The following NKAIN3 variants were observed in gnomAD, a reference collection of about 807,000 sequenced individuals.
NKAIN3 encodes the protein sodium/potassium-transporting ATPase subunit beta-1-interacting protein 3.
A neutral mutation model predicts 30.2 loss-of-function variants in NKAIN3; 25 were observed. The ratio of observed to expected loss-of-function variants is 0.83; its 90% confidence interval spans 0.60 to 1.16. The LOEUF (loss-of-function observed/expected upper bound fraction) is 1.16. Ranked by LOEUF, NKAIN3 falls within the 50% of genes most tolerant of loss-of-function variation. The pLI is 0.00. For synonymous variants in NKAIN3, 91 were observed against 89.6 expected (o/e 1.02, Z -0.09); for missense variants, 225 against 254.1 (o/e 0.89, Z 0.78).
At chr8:62,324,592 A>G (rs908088901) in intron 1 of NKAIN3, among the ~76,000 whole-genome samples, 3 of 152,142 alleles carry the variant, frequency 2.0e-5, no homozygotes, top group African/African-American at 2.4e-5. Context: ...GGAAATATTC[A>G]TTACAAGAGA....
intron 4 of NKAIN3, among the ~76,000 whole-genome samples, chr8:62,881,248 AG>A (rs1458158333): frequency 1.3e-5 from 2 of 152,224 alleles, no homozygotes; most frequent in African/African-American, 2.4e-5. Flanking sequence ...CATACAGAAT[AG>A]TTTCATTGCC....
chr8:62,452,863 A>T (rs1022032323), intron 1 of NKAIN3, among the ~76,000 whole-genome samples: 2 of 152,162 alleles, frequency 1.3e-5, no homozygotes, highest in Non-Finnish European at 2.9e-5. Flanking sequence ...TAAAAAATCT[A>T]TATTTCTGAA....
intron 3 of NKAIN3, among the ~76,000 whole-genome samples, chr8:62,635,321 A>G (rs1812093521): frequency 6.6e-6 from 1 of 152,196 alleles, no homozygotes; most frequent in Non-Finnish European, 1.5e-5. Context: ...TATGAAACAT[A>G]TATACATATG....
At chr8:62,496,587 C>G (rs975593321) in intron 1 of NKAIN3, among the ~76,000 whole-genome samples, 4 of 152,116 alleles carry the variant, frequency 2.6e-5, no homozygotes, top group African/African-American at 9.7e-5. Context: ...GTCATTTGTT[C>G]AAAGCCTAGG....
chr8:62,302,636 C>T (rs1814088234), intron 1 of NKAIN3, among the ~76,000 whole-genome samples: 1 of 152,022 alleles, frequency 6.6e-6, no homozygotes, highest in Admixed American at 6.6e-5. Flanking sequence ...AGTGCCAGGA[C>T]ATAAAAGGTG....
chr8:62,409,503 A>G (rs1804174997), intron 1 of NKAIN3, among the ~76,000 whole-genome samples: 1 of 152,100 alleles, frequency 6.6e-6, no homozygotes, highest in Admixed American at 6.6e-5. Context: ...GGTTATACTC[A>G]TTTTAAGTAT....
At chr8:62,595,240 CAGG>C (rs1810786698) in intron 3 of NKAIN3, among the ~76,000 whole-genome samples, 1 of 151,870 alleles carries the variant, frequency 6.6e-6, no homozygotes, top group African/African-American at 2.4e-5. Flanking sequence ...CTTTCTTTAA[CAGG>C]AGATGTTAAA....
intron 1 of NKAIN3, among the ~76,000 whole-genome samples, chr8:62,449,082 G>A (rs2129598744): frequency 6.6e-6 from 1 of 152,086 alleles, no homozygotes; most frequent in Admixed American, 6.5e-5. Flanking sequence ...GAAACACTAA[G>A]TGTTTAAAAT....
At chr8:62,465,562 T>C (rs1806136901) in intron 1 of NKAIN3, among the ~76,000 whole-genome samples, 1 of 152,224 alleles carries the variant, frequency 6.6e-6, no homozygotes, top group African/African-American at 2.4e-5. Flanking sequence ...TTTTCCTATA[T>C]TAATTTCTTC....
At chr8:62,425,387 C>A (rs932931180) in intron 1 of NKAIN3, among the ~76,000 whole-genome samples, 1 of 151,820 alleles carries the variant, frequency 6.6e-6, no homozygotes, top group African/African-American at 2.4e-5. Flanking sequence ...TTGGAGTAAA[C>A]AAGATACATT....
intron 5 of NKAIN3, among the ~76,000 whole-genome samples, chr8:62,939,909 C>G (rs1215583085): frequency 6.6e-6 from 1 of 151,990 alleles, no homozygotes; most frequent in Non-Finnish European, 1.5e-5. Flanking sequence ...CCTTACATCT[C>G]AATATTAATG....
intron 3 of NKAIN3, among the ~76,000 whole-genome samples, chr8:62,696,984 G>T (rs1004552999): frequency 6.6e-6 from 1 of 152,094 alleles, no homozygotes; most frequent in Non-Finnish European, 1.5e-5. Context: ...ATATATAAAT[G>T]CAAAATGACA....
chr8:62,662,064 C>G (rs1431761684), intron 3 of NKAIN3, among the ~76,000 whole-genome samples: 2 of 152,162 alleles, frequency 1.3e-5, no homozygotes, highest in African/African-American at 4.8e-5. Flanking sequence ...GGTCACTTAG[C>G]CCCCACCAAA....
At position 62,349,692 on chromosome 8, in the gene NKAIN3, G is replaced by C. The variant is rs180910993; in HGVS notation, c.54+100565G>C. Reference sequence around the variant, plus strand: ...ATAAGCAGGCCAGGCTCAGTAGCTAGGCTATTAAAGTCCGTGAAATCCTTG... The same window carrying C: ...ATAAGCAGGCCAGGCTCAGTAGCTACGCTATTAAAGTCCGTGAAATCCTTG... On this transcript the variant is annotated intron_variant, in intron 1 of 6. Transcript: ENST00000623646. Among the ~76,000 whole-genome samples, 281 of 152,250 alleles carry C rather than the reference G, an allele frequency of 1.8e-3. 1 individual carries two copies. Among genetic ancestry groups the C allele is most frequent in the Middle Eastern group, 3.4e-3 (1 of 294 alleles).
intron 1 of NKAIN3, among the ~76,000 whole-genome samples, chr8:62,303,644 T>A (rs1814128561): frequency 6.6e-6 from 1 of 150,466 alleles, no homozygotes; most frequent in African/African-American, 2.5e-5. Flanking sequence ...TATGATACAT[T>A]TTAGTTAGGA....
chr8:62,836,615 G>A (rs79111079), intron 4 of NKAIN3, among the ~76,000 whole-genome samples: 1 of 152,066 alleles, frequency 6.6e-6, no homozygotes, highest in Admixed American at 6.6e-5. Context: ...TTGTCAAGTA[G>A]GTAGAATTAC....
At chr8:62,801,613 A>G (rs1233782952) in intron 4 of NKAIN3, among the ~76,000 whole-genome samples, 1 of 152,204 alleles carries the variant, frequency 6.6e-6, no homozygotes, top group Non-Finnish European at 1.5e-5. Flanking sequence ...CCAAAAACCC[A>G]TCTGTACATC....
chr8:62,303,238 C>T (rs893802328), intron 1 of NKAIN3, among the ~76,000 whole-genome samples: 1 of 150,146 alleles, frequency 6.7e-6, no homozygotes, highest in Non-Finnish European at 1.5e-5. Flanking sequence ...CCTAGATAAA[C>T]CTAATAGCCC....
intron 5 of NKAIN3, among the ~76,000 whole-genome samples, chr8:62,946,909 T>G (rs1259960633): frequency 6.6e-6 from 1 of 152,182 alleles, no homozygotes; most frequent in Non-Finnish European, 1.5e-5. Context: ...GTGTGCAATA[T>G]AGCTGGAACA....
Sources: allele counts gnomAD v4.1 joint callset (sites outside exome capture counted in the v4.1 genomes callset), GRCh38; gene constraint gnomAD v4.1.1; transcripts MANE v1.5; gene names NCBI Gene and HGNC (gene_info 2026-07-23, HGNC 2026-07-21).